Variants in APLP1 observed in about 807,000 individuals in gnomAD.
APLP1 encodes the protein amyloid beta (A4) precursor-like protein 1.
In APLP1, 46 loss-of-function variants were observed where a neutral mutation model predicts 84.5. The observed-to-expected ratio is 0.54, with a 90% CI of 0.43 to 0.70. The LOEUF (loss-of-function observed/expected upper bound fraction) is 0.70, where lower values mean the gene tolerates loss of function less well. Among genes scored for constraint, APLP1 ranks in the 30% least tolerant of loss-of-function variants. APLP1 has a pLI of 0.00. For missense variants in APLP1, 826 were observed against 900.2 expected, an observed-to-expected ratio of 0.92 and a Z score of 1.05; for synonymous variants, 376 against 364.0, an observed-to-expected ratio of 1.03 and a Z score of -0.38.
chr19:35,871,387 C>G (rs1974143016), intron 4 of APLP1, 38 bp downstream of exon 4: 3 of 1,543,352 alleles, frequency 1.9e-6, no homozygotes, highest in Non-Finnish European at 2.7e-6. Flanking sequence ...GCCCCCACAA[C>G]CCAGGAACTG....
chr19:35,869,354 C>T (rs1022991936), intron 1 of APLP1: 6 of 568,730 alleles, frequency 1.1e-5, no homozygotes, highest in African/African-American at 5.9e-5. Context: ...GGGTTCTGGC[C>T]TCCTCCTCCG....
chr19:35,868,851 ACATGTC>A lies in APLP1; in HGVS notation c.147+71_147+76del, dbSNP rs1974060545. 8.1e-7 allele frequency: 1 copy of A among 1,238,570 alleles called. No homozygotes were observed. The allele number at this position is 1,238,570 out of a possible 1,614,324, so 76.7% of individuals were successfully genotyped here. On this transcript the variant is annotated intron_variant, in intron 1 of 16. Transcript: ENST00000221891. This position sits in a 1 kb window ranked among gnomAD's most constrained non-coding sequence, Gnocchi z 5.2. ...ACCGGGTCTCTGGACGCCGGCGCGG[ACATGTC>A]CAGGGCAGAAAGCGCGGTCTTTCCA...
At chr19:35,871,199 A>C (rs1812278382) in intron 3 of APLP1, 38 bp from the exon 4 acceptor site, 4 of 1,594,706 alleles carry the variant, frequency 2.5e-6, no homozygotes, top group East Asian at 2.3e-5. Flanking sequence ...GTTGGTGGCT[A>C]TAGGAGGATC....
Position 35,879,230 on chromosome 19 carries a change from G to C in APLP1, c.1857+13G>C, listed in dbSNP as rs747166868. 5.0e-6 allele frequency: 8 copies of C among 1,611,302 alleles called. No individual in the cohort carries two copies. The highest frequency in any genetic ancestry group is 1.3e-5 in the African/African-American group (1 of 74,914). On this transcript the variant is annotated intron_variant, in intron 16 of 16. Coordinates refer to ENST00000221891, the MANE Select transcript of APLP1 (RefSeq NM_001024807.3). ...TGGCGTGGTGGAGGTGAGAACCATG[G>C]CGTGGTGGAGGTGTGGGAAGAGTTC...
Position 35,877,765 on chromosome 19 carries a change from C to G in APLP1, c.1492C>G (p.Pro498Ala). The G allele has an allele frequency of 1.9e-6, 3 of 1,608,472 alleles. No homozygotes were observed. The highest frequency in any genetic ancestry group is 1.3e-5 in the African/African-American group (1 of 74,608). The change falls in exon 12 of 17, where the codon CCT becomes GCT. Residue 498 changes from proline to alanine, a missense_variant. Pro to Ala is a conservative substitution (Grantham distance 27, BLOSUM62 -1). Transcript: ENST00000221891. ...EHLGPSELEA[P>A]APGGSSEDKG... Reference sequence around the variant, plus strand: ...CCTGGGTCCCAGTGAATTGGAAGCCCCTGCCCCTGGGGGCAGCAGCGAGGA... The same window carrying G: ...CCTGGGTCCCAGTGAATTGGAAGCCGCTGCCCCTGGGGGCAGCAGCGAGGA...
Position 35,868,725 on chromosome 19 carries a change from T to C in APLP1, c.89T>C (p.Leu30Pro). Reference protein sequence around the residue: ...LPLLLPLLLLLLRAQPAIGSL... With the variant: ...LPLLLPLLLLPLRAQPAIGSL... Reference sequence around the variant, plus strand: ...CTGCTGCTGCCACTATTGCTGCTGCTTCTGCGCGCGCAGCCCGCCATCGGG... The same window carrying C: ...CTGCTGCTGCCACTATTGCTGCTGCCTCTGCGCGCGCAGCCCGCCATCGGG... Residue 30 changes from leucine (L) to proline (P), a missense_variant, in exon 1 of 17, where the codon CTT becomes CCT. Around this residue, in one of 3 missense-constraint regions of APLP1, gnomAD observed 383 missense variants for 378.3 expected, o/e 1.01. Coordinates refer to ENST00000221891, the MANE Select transcript of APLP1 (RefSeq NM_001024807.3). This position sits in a 1 kb window ranked among gnomAD's most constrained non-coding sequence, Gnocchi z 5.2. The C allele has an allele frequency of 7.1e-7, 1 of 1,401,604 alleles. No individual in the cohort carries two copies. Among genetic ancestry groups the C allele is most frequent in the South Asian group, 1.5e-5 (1 of 66,042 alleles). The allele number at this position is 1,401,604 out of a possible 1,614,324, so 86.8% of individuals were successfully genotyped here.
Position 35,879,586 on chromosome 19 carries a change from C to A in APLP1, c.*145C>A. On this transcript the variant is annotated 3_prime_UTR_variant, in exon 17 of 17. Coordinates refer to ENST00000221891, the MANE Select transcript of APLP1 (RefSeq NM_001024807.3). ...TGAGACGGCTGGAAATTCTTATTTC[C>A]CCTTTCCAATTCCAAAATTCCATCC... 1.4e-6 allele frequency: 1 copy of A among 691,540 alleles called. No individual in the cohort carries two copies. The highest frequency in any genetic ancestry group is 2.4e-6 in the Non-Finnish European group (1 of 422,630). 42.8% of individuals were successfully genotyped at this position (691,540 alleles called of 1,614,324 possible).
In APLP1 at chr19:35,878,648, G is replaced by A; in HGVS notation, c.1644G>A (p.Glu548=). The part of the protein sequence containing the change: ...KEKMNPLEQY[E]RKVNASVPRG... ...AGATGAACCCGCTGGAACAGTATGA[G>A]CGAAAGGTAAGTTAGTCAGAACTGT... Residue 548 remains glutamate (E), a synonymous_variant, in exon 14 of 17, where the codon GAG becomes GAA. Transcript: ENST00000221891. 1 of 1,614,174 alleles carries A rather than the reference G, an allele frequency of 6.2e-7. No individual in the cohort carries two copies. The highest frequency in any genetic ancestry group is 8.5e-7 in the Non-Finnish European group (1 of 1,180,024).
chr19:35,876,583 C>T lies in APLP1; in HGVS notation c.1411C>T (p.Pro471Ser). Residue 471 changes from proline to serine, a missense_variant, in exon 11 of 17, where the codon CCC becomes TCC. Around this residue, in one of 3 missense-constraint regions of APLP1, gnomAD observed 433 missense variants for 496.5 expected, o/e 0.87. Coordinates refer to ENST00000221891, the MANE Select transcript of APLP1 (RefSeq NM_001024807.3). ...GAGCCTGGGCCTGCTTGACCAGAACCCCCACCTGGCTCAGGAGCTGCGGCC... is the reference window on the plus strand; with the variant it reads ...GAGCCTGGGCCTGCTTGACCAGAACTCCCACCTGGCTCAGGAGCTGCGGCC... ...NQSLGLLDQNPHLAQELRPQI... is the reference protein window; with the variant it reads ...NQSLGLLDQNSHLAQELRPQI... 1.2e-6 allele frequency: 2 copies of T among 1,612,860 alleles called. No individual in the cohort carries two copies. Among genetic ancestry groups the T allele is most frequent in the Non-Finnish European group, 1.7e-6 (2 of 1,179,168 alleles).
In APLP1 at chr19:35,875,160, C is replaced by CTTTTTT. The variant is rs71167572; in HGVS notation, c.1344+306_1344+311dup. Among the ~76,000 whole-genome samples, 7 of 115,762 alleles carry CTTTTTT rather than the reference C, an allele frequency of 6.0e-5. No individual in the cohort carries two copies. The East Asian group carries it at 1.0e-3, about 17-fold the overall frequency. 75.9% of individuals were successfully genotyped at this position (115,762 alleles called of 152,430 possible). A position where few individuals can be genotyped will look rare whatever the true frequency, so the allele number is the denominator to read the frequency against. On this transcript the variant is annotated intron_variant, in intron 10 of 16. Transcript: ENST00000221891. ...TTTTCACTGCCTTTCCCAGAATCGT[C>CTTTTTT]TTTTTTTTTTTTTTTTTTTTGAGAC...
At position 35,868,797 on chromosome 19, in the gene APLP1, G is replaced by T. The variant is rs1415818756; in HGVS notation, c.147+14G>T. 1 of 1,287,846 alleles carries T rather than the reference G, an allele frequency of 7.8e-7. No homozygotes were observed. The highest frequency in any genetic ancestry group is 3.2e-5 in the East Asian group (1 of 31,646). The allele number at this position is 1,287,846 out of a possible 1,614,324, so 79.8% of individuals were successfully genotyped here. A position where few individuals can be genotyped will look rare whatever the true frequency, so the allele number is the denominator to read the frequency against. ...GGCGCGGCCGAGGTGAGGCCGGGCC[G>T]GGTCCTGGGGGATGGGGGAAGGGGC... On this transcript the variant is annotated intron_variant, in intron 1 of 16. Coordinates refer to ENST00000221891, the MANE Select transcript of APLP1 (RefSeq NM_001024807.3). The surrounding 1 kb of genome is among the most constrained non-coding windows in gnomAD (Gnocchi z 5.2).
At chr19:35,877,121 T>C (rs2146913375) in intron 11 of APLP1, among the ~76,000 whole-genome samples, 1 of 152,334 alleles carries the variant, frequency 6.6e-6, no homozygotes, top group East Asian at 1.9e-4. Context: ...AAGTGTGACC[T>C]ATTGCAGCCC....
rs1053066875 is a variant in APLP1 at position 35,870,698 on chromosome 19, C to T, written c.292-198C>T. On this transcript the variant is annotated intron_variant, in intron 2 of 16. Coordinates refer to ENST00000221891, the MANE Select transcript of APLP1 (RefSeq NM_001024807.3). Reference sequence around the variant, plus strand: ...ACTCAGGAGGCTGAGACAGGAGAATCGCTTGAACCTGGGAGGAGGAGGTTG... The same window carrying T: ...ACTCAGGAGGCTGAGACAGGAGAATTGCTTGAACCTGGGAGGAGGAGGTTG... 5.1e-4 allele frequency: 332 copies of T among 648,758 alleles called. 8 individuals are homozygous for T. The South Asian group carries it at 7.0e-3, about 14-fold the overall frequency. 40.2% of individuals were successfully genotyped at this position (648,758 alleles called of 1,614,324 possible).
In APLP1 at chr19:35,878,885, C is replaced by T. The variant is rs746270113; in HGVS notation, c.1651-5C>T. The T allele has an allele frequency of 6.2e-7, 1 of 1,614,072 alleles. No individual in the cohort carries two copies. Among genetic ancestry groups the T allele is most frequent in the East Asian group, 2.2e-5 (1 of 44,880 alleles). ...CTGGGTTCCTGACACCTCCTGCTCC[C>T]CCAGGTGAATGCGTCTGTTCCAAGG... On this transcript the variant is annotated splice_region_variant and splice_polypyrimidine_tract_variant and intron_variant, in intron 14 of 16. Coordinates refer to ENST00000221891, the MANE Select transcript of APLP1 (RefSeq NM_001024807.3).
Position 35,871,871 on chromosome 19 carries a change from C to T in APLP1, c.685C>T (p.Arg229Trp), listed in dbSNP as rs375123845. The T allele has an allele frequency of 7.6e-5, 123 of 1,613,844 alleles. No individual in the cohort carries two copies. The highest frequency in any genetic ancestry group is 2.1e-4 in the South Asian group (19 of 91,064). The change falls in exon 6 of 17, where the codon CGG (arginine) becomes TGG (tryptophan). Residue 229 changes from arginine (R) to tryptophan (W), a missense_variant. Coordinates refer to ENST00000221891, the MANE Select transcript of APLP1 (RefSeq NM_001024807.3). The part of the protein sequence containing the change: ...SGTAVGDPST[R>W]SWPPGSRVEG... ...CTGCTCCCTCAGTGACCCCTCCACC[C>T]GGTCCTGGCCCCCGGGGAGCAGAGT...
At chr19:35,872,164 A>C in intron 6 of APLP1, 128 bp downstream of exon 6, 1 of 1,225,520 alleles carries the variant, frequency 8.2e-7, no homozygotes, top group South Asian at 1.5e-5. Flanking sequence ...AAAAGACGAG[A>C]GTATCTTTGG....
chr19:35,872,160 CGA>C, intron 6 of APLP1, 124 bp downstream of exon 6: 2 of 1,233,054 alleles, frequency 1.6e-6, no homozygotes, highest in South Asian at 3.0e-5. Flanking sequence ...GGAGAAAAGA[CGA>C]GAGTATCTTT....
At chr19:35,878,520 T>G in intron 13 of APLP1, 64 bp from the exon 14 acceptor site, 3 of 1,552,664 alleles carry the variant, frequency 1.9e-6, no homozygotes. Flanking sequence ...CACTCCAGCC[T>G]GGGTGACAGA....
chr19:35,874,142 C>T lies in APLP1; in HGVS notation c.1057-362C>T, dbSNP rs1266026792. Among the ~76,000 whole-genome samples the T allele has an allele frequency of 1.3e-5, 2 of 152,224 alleles. No homozygotes were observed. Among genetic ancestry groups the T allele is most frequent in the Non-Finnish European group, 2.9e-5 (2 of 68,042 alleles). On this transcript the variant is annotated intron_variant, in intron 8 of 16. Coordinates refer to ENST00000221891, the MANE Select transcript of APLP1 (RefSeq NM_001024807.3). This position sits in a 1 kb window ranked among gnomAD's most constrained non-coding sequence, Gnocchi z 6.4. Reference sequence around the variant, plus strand: ...CCACTCATGTTAGCCCCCATTCCAGCTCTTTGTCCCACCCCTATCGTGTCA... The same window carrying T: ...CCACTCATGTTAGCCCCCATTCCAGTTCTTTGTCCCACCCCTATCGTGTCA...
Sources: allele counts gnomAD v4.1 joint callset (sites outside exome capture counted in the v4.1 genomes callset), GRCh38; gene constraint gnomAD v4.1.1; regional missense constraint gnomAD v4.1.1; non-coding constraint Gnocchi (gnomAD v3.1); transcripts MANE v1.5; gene names NCBI Gene and HGNC (gene_info 2026-07-23, HGNC 2026-07-21).